RBFOX1: variants seen among roughly 807,000 people sequenced by gnomAD.
The protein encoded by RBFOX1 is RNA binding fox-1 homolog 1.
RBFOX1 carries 8 observed loss-of-function variants against 57.7 expected under a neutral mutation model. The observed-to-expected ratio is 0.14, with a 90% CI of 0.08 to 0.25. The LOEUF (loss-of-function observed/expected upper bound fraction) is 0.25. Among genes scored for constraint, RBFOX1 ranks in the 10% least tolerant of loss-of-function variants. The pLI is 1.00. For synonymous variants in RBFOX1, 326 were observed against 222.4 expected (o/e 1.47, Z -4.15); for missense variants, 611 against 548.5 (o/e 1.11, Z -1.14).
chr16:7,419,188 G>A (rs998795025), intron 4 of RBFOX1, among the ~76,000 whole-genome samples: 1 of 152,112 alleles, frequency 6.6e-6, no homozygotes, highest in African/African-American at 2.4e-5. Flanking sequence ...GATTACAAGC[G>A]TGAGCACCAC....
intron 4 of RBFOX1, among the ~76,000 whole-genome samples, chr16:7,206,424 T>C (rs2089980235): frequency 2.0e-5 from 3 of 147,928 alleles, no homozygotes; most frequent in African/African-American, 7.6e-5. Context: ...GAAATATATA[T>C]ATACATATAT....
chr16:6,337,490 G>C (rs552417733), intron 2 of RBFOX1, among the ~76,000 whole-genome samples: 1 of 152,314 alleles, frequency 6.6e-6, no homozygotes, highest in African/African-American at 2.4e-5. Context: ...GAGCCAAAAT[G>C]GCAAAGGAGT....
intron 4 of RBFOX1, among the ~76,000 whole-genome samples, chr16:7,282,808 A>G (rs951855992): frequency 2.6e-5 from 4 of 152,142 alleles, no homozygotes; most frequent in African/African-American, 9.7e-5. Flanking sequence ...CTTAGCTCCC[A>G]CTTATGAGTG....
chr16:7,460,296 GC>G (rs1348590281), intron 4 of RBFOX1, among the ~76,000 whole-genome samples: 1 of 149,024 alleles, frequency 6.7e-6, no homozygotes, highest in African/African-American at 2.5e-5. Context: ...TCCCTAGCCA[GC>G]CCACGTATCT....
At chr16:7,133,743 T>TAACA (rs1292995294) in intron 4 of RBFOX1, among the ~76,000 whole-genome samples, 9 of 152,028 alleles carry the variant, frequency 5.9e-5, no homozygotes, top group Non-Finnish European at 1.2e-4. Context: ...AGACGTAGAA[T>TAACA]AACACATCAT....
intron 2 of RBFOX1, among the ~76,000 whole-genome samples, chr16:6,372,124 G>A (rs1056263633): frequency 6.6e-6 from 1 of 151,750 alleles, no homozygotes; most frequent in Non-Finnish European, 1.5e-5. Flanking sequence ...AGTATAGTTG[G>A]GTGGGAGGAT....
At chr16:7,630,840 T>C (rs1233262783) in intron 11 of RBFOX1, among the ~76,000 whole-genome samples, 157 bp downstream of exon 11, 1 of 152,098 alleles carries the variant, frequency 6.6e-6, no homozygotes, top group Non-Finnish European at 1.5e-5. Flanking sequence ...CTGTCTCCCA[T>C]GCCACTTCCC....
intron 3 of RBFOX1, among the ~76,000 whole-genome samples, chr16:6,940,810 G>GTGTGTGTA (rs1273340669): frequency 6.7e-5 from 9 of 133,952 alleles, no homozygotes; most frequent in African/African-American, 2.6e-4. Flanking sequence ...GTGTGTGTGT[G>GTGTGTGTA]TAGCTGGGAG....
At chr16:6,265,528 C>G (rs1200635338) in intron 1 of RBFOX1, among the ~76,000 whole-genome samples, 2 of 152,170 alleles carry the variant, frequency 1.3e-5, no homozygotes, top group African/African-American at 4.8e-5. Flanking sequence ...TCCCAGAGTG[C>G]TGGGATTACA....
intron 6 of RBFOX1, among the ~76,000 whole-genome samples, chr16:7,586,502 T>C (rs1602555984): frequency 2.0e-5 from 3 of 152,200 alleles, no homozygotes; most frequent in African/African-American, 7.2e-5. Context: ...GTATTAAGTA[T>C]AAGTATGTCC....
At chr16:7,033,416 A>C (rs969495388) in intron 3 of RBFOX1, among the ~76,000 whole-genome samples, 3 of 152,174 alleles carry the variant, frequency 2.0e-5, no homozygotes, top group Non-Finnish European at 4.4e-5. Context: ...GCTACTTGGG[A>C]GGCTGAGGCA....
intron 4 of RBFOX1, among the ~76,000 whole-genome samples, chr16:7,111,689 C>G (rs1404130532): frequency 6.6e-6 from 1 of 151,730 alleles, no homozygotes; most frequent in Admixed American, 6.6e-5. Context: ...AAAACTACTT[C>G]TGGGGAAGAT....
intron 1 of RBFOX1, among the ~76,000 whole-genome samples, chr16:6,197,400 T>C (rs2097186960): frequency 6.6e-6 from 1 of 152,152 alleles, no homozygotes; most frequent in Non-Finnish European, 1.5e-5. Context: ...ATCTGCACCA[T>C]GGTGAATCAC....
intron 2 of RBFOX1, among the ~76,000 whole-genome samples, chr16:5,592,576 C>G (rs1024796432): frequency 6.6e-6 from 1 of 152,096 alleles, no homozygotes; most frequent in Admixed American, 6.5e-5. Flanking sequence ...ACCACCATGC[C>G]TGGCTAATTT....
chr16:7,189,420 C>CA (rs2084772704), intron 4 of RBFOX1, among the ~76,000 whole-genome samples: 1 of 115,662 alleles, frequency 8.6e-6, no homozygotes, highest in Admixed American at 9.0e-5. Context: ...AGCGAGACTC[C>CA]CTCTCAAAAA....
chr16:6,239,262 C>A (rs1261928448), intron 1 of RBFOX1, among the ~76,000 whole-genome samples: 1 of 152,062 alleles, frequency 6.6e-6, no homozygotes, highest in Non-Finnish European at 1.5e-5. Flanking sequence ...TATCTTTAAT[C>A]TCCCCTCGCA....
intron 2 of RBFOX1, among the ~76,000 whole-genome samples, chr16:6,518,636 G>C (rs2096431936): frequency 6.6e-6 from 1 of 152,090 alleles, no homozygotes; most frequent in Non-Finnish European, 1.5e-5. Context: ...TCTTGACATT[G>C]TCCTAGTGTT....
intron 1 of RBFOX1, among the ~76,000 whole-genome samples, chr16:5,314,736 A>G (rs2064185167): frequency 6.6e-6 from 1 of 151,904 alleles, no homozygotes. Flanking sequence ...TCTAGACTCA[A>G]GCAATCCTCC....
At chr16:6,989,425 C>T (rs1437823928) in intron 3 of RBFOX1, among the ~76,000 whole-genome samples, 2 of 152,066 alleles carry the variant, frequency 1.3e-5, no homozygotes, top group Non-Finnish European at 2.9e-5. Flanking sequence ...TTTAACGGTG[C>T]AATTAGAACT....
Sources: allele counts gnomAD v4.1 joint callset (sites outside exome capture counted in the v4.1 genomes callset), GRCh38; gene constraint gnomAD v4.1.1; transcripts MANE v1.5; gene names NCBI Gene and HGNC (gene_info 2026-07-23, HGNC 2026-07-21).